The following DSC3 variants were observed in gnomAD, a reference collection of about 807,000 sequenced individuals.
The protein encoded by DSC3 is desmocollin 3, also known as desmocollin-3.
A neutral mutation model predicts 89.5 loss-of-function variants in DSC3; 97 were observed. The ratio of observed to expected loss-of-function variants is 1.08; its 90% CI spans 0.92 to 1.28. The LOEUF (loss-of-function observed/expected upper bound fraction) is 1.28, where lower values mean the gene tolerates loss of function less well. Among genes scored for constraint, DSC3 ranks in the 50% most tolerant of loss-of-function variants. The pLI, the probability that DSC3 is intolerant of heterozygous loss-of-function variation, is 0.00. For synonymous variants in DSC3, 436 were observed against 384.1 expected, an observed-to-expected ratio of 1.14 and a Z score of -1.58; for missense variants, 1,199 against 1,085.3, an observed-to-expected ratio of 1.10 and a Z score of -1.47.
chr18:31,024,834 T>A (rs975671514), intron 5 of DSC3, among the ~76,000 whole-genome samples: 1 of 152,106 alleles, frequency 6.6e-6, no homozygotes, highest in African/African-American at 2.4e-5. Flanking sequence ...CTCACTGCAA[T>A]AGGAAAAATT....
At chr18:31,040,755 AT>A (rs1479635805) in intron 1 of DSC3, among the ~76,000 whole-genome samples, 2 of 151,972 alleles carry the variant, frequency 1.3e-5, no homozygotes, top group African/African-American at 4.8e-5. Flanking sequence ...TAAAGTCTCT[AT>A]AAAATGAAAA....
chr18:30,996,284 T>G (rs1334814642), intron 15 of DSC3, among the ~76,000 whole-genome samples: 3 of 152,186 alleles, frequency 2.0e-5, no homozygotes, highest in African/African-American at 4.8e-5. Flanking sequence ...TTAATCATTC[T>G]ACATTGCAGA....
chr18:31,003,222 C>T (rs1247619101), intron 13 of DSC3, among the ~76,000 whole-genome samples: 1 of 152,190 alleles, frequency 6.6e-6, no homozygotes, highest in East Asian at 1.9e-4. Context: ...CAACACACTC[C>T]ACAGCACTAC....
At chr18:31,037,720 T>C (rs1986016399) in intron 1 of DSC3, among the ~76,000 whole-genome samples, 1 of 152,102 alleles carries the variant, frequency 6.6e-6, no homozygotes, top group Admixed American at 6.5e-5. Context: ...ACCAACATGG[T>C]GAAACCTCGT....
rs1189745364 is a variant in DSC3, at chr18:31,025,803, A to C, written c.587T>G (p.Phe196Cys). 1 of 1,613,158 alleles carries C rather than the reference A, an allele frequency of 6.2e-7. No individual in the cohort carries two copies. Among genetic ancestry groups the C allele is most frequent in the Non-Finnish European group, 8.5e-7 (1 of 1,179,438 alleles). Residue 196 changes from phenylalanine (F) to cysteine (C), a missense_variant, in exon 5 of 16, where the codon TTT becomes TGT. Phe to Cys is a radical substitution (Grantham distance 205). Coordinates refer to ENST00000360428, the MANE Select transcript of DSC3 (RefSeq NM_001941.5). ...TTCACGATCCACAGGCCGAGTGCAAAATAGATTTCCAGTGTCTCTTTCTAT... is the reference window on the plus strand; with the variant it reads ...TTCACGATCCACAGGCCGAGTGCAACATAGATTTCCAGTGTCTCTTTCTAT... ...FYIERDTGNL[F>C]CTRPVDREEY...
At chr18:31,022,083 A>C (rs892095866) in intron 7 of DSC3, among the ~76,000 whole-genome samples, 1 of 152,140 alleles carries the variant, frequency 6.6e-6, no homozygotes, top group Non-Finnish European at 1.5e-5. Flanking sequence ...ATAAGAAAAA[A>C]AAATTTATAA....
At chr18:31,019,023 T>C (rs931369107) in intron 7 of DSC3, among the ~76,000 whole-genome samples, 7 of 152,226 alleles carry the variant, frequency 4.6e-5, no homozygotes, top group African/African-American at 1.7e-4. Context: ...TCAGAAATTA[T>C]GCTTTAAGTA....
At chr18:31,028,829 A>G (rs946268096) in intron 4 of DSC3, among the ~76,000 whole-genome samples, 2 of 152,148 alleles carry the variant, frequency 1.3e-5, no homozygotes, top group Admixed American at 1.3e-4. Context: ...ACTTACTAGT[A>G]GAATGCACAT....
intron 1 of DSC3, among the ~76,000 whole-genome samples, chr18:31,041,687 C>A (rs1319600443): frequency 6.6e-6 from 1 of 152,220 alleles, no homozygotes; most frequent in African/African-American, 2.4e-5. Context: ...AACCGCGCCG[C>A]CAGAGTTCCG....
Position 30,994,047 on chromosome 18 carries a change from G to T in DSC3, c.*128C>A. On this transcript the variant is annotated 3_prime_UTR_variant, in exon 16 of 16. Transcript: ENST00000360428. ...ACAACTTGCTTTAAAAATATAAATTGGTGAGTAGCATAATTCAAAATTGAG... is the reference window on the plus strand; with the variant it reads ...ACAACTTGCTTTAAAAATATAAATTTGTGAGTAGCATAATTCAAAATTGAG... 3 of 899,672 alleles carry T rather than the reference G, an allele frequency of 3.3e-6. No homozygotes were observed. The highest frequency in any genetic ancestry group is 1.7e-5 in the African/African-American group (1 of 59,540). 55.7% of individuals were successfully genotyped at this position (899,672 alleles called of 1,614,324 possible).
chr18:31,009,842 C>T (rs536016031), intron 9 of DSC3, among the ~76,000 whole-genome samples: 1 of 152,324 alleles, frequency 6.6e-6, no homozygotes, highest in African/African-American at 2.4e-5. Flanking sequence ...GGTAGTCTGA[C>T]CTGAGTCCAT....
At chr18:31,042,551 C>T (rs1444832611) in intron 1 of DSC3, 41 bp downstream of exon 1, 3 of 1,539,630 alleles carry the variant, frequency 1.9e-6, no homozygotes, top group South Asian at 2.4e-5. Flanking sequence ...CGGATCCACC[C>T]CCGTCCCCAC....
At chr18:31,030,671 A>T (rs1048340758) in intron 3 of DSC3, among the ~76,000 whole-genome samples, 1 of 151,852 alleles carries the variant, frequency 6.6e-6, no homozygotes, top group Non-Finnish European at 1.5e-5. Flanking sequence ...AGACAAAAAT[A>T]GAGTGAGAGG....
rs747237429 is a variant in DSC3 at position 31,008,176 on chromosome 18, A to T, written c.1521-18T>A. On this transcript the variant is annotated intron_variant, in intron 10 of 15. Transcript: ENST00000360428. ...TTTTGTACCTGTTAATAAAAAAAAAATAGTCTTTAGCATCAGAAAATGTTT... is the reference window on the plus strand; with the variant it reads ...TTTTGTACCTGTTAATAAAAAAAAATTAGTCTTTAGCATCAGAAAATGTTT... 6.2e-7 allele frequency: 1 copy of T among 1,606,602 alleles called. No individual in the cohort carries two copies. The highest frequency in any genetic ancestry group is 8.5e-7 in the Non-Finnish European group (1 of 1,175,160).
At chr18:31,038,061 G>C (rs1273651699) in intron 1 of DSC3, among the ~76,000 whole-genome samples, 3 of 152,090 alleles carry the variant, frequency 2.0e-5, no homozygotes, top group Admixed American at 2.0e-4. Context: ...GTTCTTATGT[G>C]AACCCATGTT....
chr18:31,007,717 G>T (rs557385954), intron 11 of DSC3, among the ~76,000 whole-genome samples: 15 of 152,298 alleles, frequency 9.8e-5, no homozygotes, highest in Admixed American at 3.9e-4. Flanking sequence ...AACGGATGTG[G>T]AAGAGTCTGA....
chr18:31,008,104 C>T lies in DSC3; in HGVS notation c.1575G>A (p.Gly525=). ...CCAGGATTTTGGAAGTTATGATTGA[C>T]CCTGAAATTTCATCAATGGTGATCC... ...KGWITIDEIS[G]SIITSKILDR... Residue 525 remains glycine, a synonymous_variant, in exon 11 of 16, where the codon GGG becomes GGA. Transcript: ENST00000360428. 6.2e-7 allele frequency: 1 copy of T among 1,612,668 alleles called. No homozygotes were observed. Among genetic ancestry groups the T allele is most frequent in the South Asian group, 1.1e-5 (1 of 90,962 alleles).
chr18:30,996,949 TG>T lies in DSC3; in HGVS notation c.2334del (p.Ile779LeufsTer3). ...TGGTTTCCTCCTTTCATCATTTCAA[TG>T]GTTTCCTGCCCTCCATTTTTCATTC... ...GSGMKNGGQETIEMMKGGNQT... is the reference protein window; with the variant it reads ...GSGMKNGGQEXIEMMKGGNQT... On this transcript the variant is annotated frameshift_variant, in exon 15 of 16. Coordinates refer to ENST00000360428, the MANE Select transcript of DSC3 (RefSeq NM_001941.5). LOFTEE classifies it high-confidence loss of function. 6.2e-7 allele frequency: 1 copy of T among 1,614,142 alleles called. No homozygotes were observed. Among genetic ancestry groups the T allele is most frequent in the Non-Finnish European group, 8.5e-7 (1 of 1,180,026 alleles).
rs114129630 is a variant in DSC3 at position 31,039,237 on chromosome 18, C to T, written c.69+3355G>A. 4.2e-3 allele frequency among the ~76,000 whole-genome samples: 645 copies of T among 152,058 alleles called. 3 individuals carry two copies. Among genetic ancestry groups the T allele is most frequent in the African/African-American group, 0.015 (609 of 41,486 alleles). Reference sequence around the variant, plus strand: ...ATTGCATGATAGAAACCTTATCAGACGAATCATTAAATCCTGATGGAAAAA... The same window carrying T: ...ATTGCATGATAGAAACCTTATCAGATGAATCATTAAATCCTGATGGAAAAA... On this transcript the variant is annotated intron_variant, in intron 1 of 15. Coordinates refer to ENST00000360428, the MANE Select transcript of DSC3 (RefSeq NM_001941.5).
Sources: allele counts gnomAD v4.1 joint callset (sites outside exome capture counted in the v4.1 genomes callset), GRCh38; gene constraint gnomAD v4.1.1; transcripts MANE v1.5; gene names NCBI Gene and HGNC (gene_info 2026-07-23, HGNC 2026-07-21).